The following ZFP64 variants were observed in gnomAD, a reference collection of about 807,000 sequenced individuals.
ZFP64 encodes zinc finger protein 64.
ZFP64 carries 14 observed loss-of-function variants against 51.6 expected under a neutral mutation model. The ratio of observed to expected loss-of-function variants is 0.27; its 90% CI spans 0.18 to 0.42. The LOEUF is 0.42. Ranked by LOEUF, ZFP64 falls within the 10% of genes least tolerant of loss-of-function variation. The pLI is 1.00. For missense variants in ZFP64, 754 were observed against 906.8 expected (o/e 0.83, Z 2.16); for synonymous variants, 375 against 361.4 (o/e 1.04, Z -0.43).
At chr20:52,124,995 T>C (rs1333453419) in intron 5 of ZFP64, among the ~76,000 whole-genome samples, 2 of 152,104 alleles carry the variant, frequency 1.3e-5, no homozygotes, top group South Asian at 2.1e-4. Flanking sequence ...ACGAAGGCAT[T>C]TGTGGTGTGC....
chr20:52,169,763 C>T (rs143488504), intron 2 of ZFP64, among the ~76,000 whole-genome samples: 1,543 of 152,278 alleles, frequency 0.01, 28 homozygotes, highest in African/African-American at 0.034. Context: ...TAAAATTTAA[C>T]GTAGTCCCAG....
In ZFP64 at chr20:52,160,987, C is replaced by T. The variant is rs532229246; in HGVS notation, c.512-613G>A. 2.6e-5 allele frequency among the ~76,000 whole-genome samples: 4 copies of T among 151,518 alleles called. No homozygotes were observed. The highest frequency in any genetic ancestry group is 6.6e-5 in the Admixed American group (1 of 15,130). On this transcript the variant is annotated intron_variant, in intron 4 of 5. Coordinates refer to ENST00000216923, the MANE Select transcript of ZFP64 (RefSeq NM_018197.3). The surrounding 1 kb of genome is among the most constrained non-coding windows in gnomAD (Gnocchi z 4.2). ...GAGGGCAGGTGAGTGAGTCGGTGAG[C>T]GCAGGTGAGTGAGCAGGTGAGGGCA... is the stretch of plus-strand genomic sequence containing the variant.
chr20:52,160,726 C>T lies in ZFP64; in HGVS notation c.512-352G>A, dbSNP rs1981720815. Among the ~76,000 whole-genome samples, 1 of 152,062 alleles carries T rather than the reference C, an allele frequency of 6.6e-6. No individual in the cohort carries two copies. The highest frequency in any genetic ancestry group is 2.1e-4 in the South Asian group (1 of 4,828). On this transcript the variant is annotated intron_variant, in intron 4 of 5. Coordinates refer to ENST00000216923, the MANE Select transcript of ZFP64 (RefSeq NM_018197.3). This position sits in a 1 kb window ranked among gnomAD's most constrained non-coding sequence, Gnocchi z 4.2. ...TTCACTCTCTCCTTTTTCCTTTTCACAACAGAGATGCACCGTAAAATTTAG... is the reference window on the plus strand; with the variant it reads ...TTCACTCTCTCCTTTTTCCTTTTCATAACAGAGATGCACCGTAAAATTTAG...
intron 5 of ZFP64, among the ~76,000 whole-genome samples, chr20:52,102,546 C>T (rs1043659126): frequency 2.0e-5 from 3 of 152,198 alleles, no homozygotes; most frequent in African/African-American, 7.2e-5. Flanking sequence ...CAGACACAAA[C>T]AAAGCCTCAT....
chr20:52,152,410 G>A lies in ZFP64; in HGVS notation c.1782C>T (p.Pro594=). The part of the protein sequence containing the change: ...QTLIPTASGG[P]QEGSGNQTFI... Reference sequence around the variant, plus strand: ...AAGTTTGATTGCCAGAGCCTTCCTGGGGGCCACCTGAGGCCGTGGGGATGA... The same window carrying A: ...AAGTTTGATTGCCAGAGCCTTCCTGAGGGCCACCTGAGGCCGTGGGGATGA... The change falls in exon 6 of 6, where the codon CCC becomes CCT. Residue 594 remains proline, a synonymous_variant. Coordinates refer to ENST00000216923, the MANE Select transcript of ZFP64 (RefSeq NM_018197.3). 1 of 1,614,190 alleles carries A rather than the reference G, an allele frequency of 6.2e-7. No homozygotes were observed. Among genetic ancestry groups the A allele is most frequent in the Non-Finnish European group, 8.5e-7 (1 of 1,180,030 alleles).
At chr20:52,179,648 G>T (rs12481281) in intron 2 of ZFP64, among the ~76,000 whole-genome samples, 2 of 152,092 alleles carry the variant, frequency 1.3e-5, no homozygotes, top group African/African-American at 4.8e-5. Flanking sequence ...TCAATCAGGC[G>T]GGCAGGGCCT....
chr20:52,125,733 T>C (rs1260722612), intron 5 of ZFP64, among the ~76,000 whole-genome samples: 1 of 152,022 alleles, frequency 6.6e-6, no homozygotes, highest in Non-Finnish European at 1.5e-5. Context: ...CAGGGAGAGG[T>C]TGGACCTGAG....
chr20:52,175,613 G>A (rs749052505), intron 2 of ZFP64, among the ~76,000 whole-genome samples: 12 of 152,214 alleles, frequency 7.9e-5, no homozygotes, highest in Non-Finnish European at 1.6e-4. Flanking sequence ...GGGAGCCCGA[G>A]GCGGTCGGAT....
intron 2 of ZFP64, among the ~76,000 whole-genome samples, chr20:52,167,019 G>A (rs1982332504): frequency 6.6e-6 from 1 of 151,912 alleles, no homozygotes; most frequent in Admixed American, 6.6e-5. Flanking sequence ...GCAAAACACA[G>A]ACTAAATATA....
intron 3 of ZFP64, chr20:52,165,609 T>G (rs1164005755): frequency 1.5e-6 from 1 of 656,830 alleles, no homozygotes; most frequent in Admixed American, 2.1e-5. Flanking sequence ...AAAAAATTTA[T>G]AGCAACCTGA....
At chr20:52,101,940 C>CAAAAAA (rs1190342919) in intron 5 of ZFP64, among the ~76,000 whole-genome samples, 1 of 77,688 alleles carries the variant, frequency 1.3e-5, no homozygotes, top group Non-Finnish European at 2.6e-5. Context: ...CTAAAAATAC[C>CAAAAAA]AAAAAAAAAA....
chr20:52,141,618 G>C (rs941918159), intron 5 of ZFP64, among the ~76,000 whole-genome samples: 1 of 152,202 alleles, frequency 6.6e-6, no homozygotes, highest in East Asian at 1.9e-4. Flanking sequence ...GCAATCTTAT[G>C]AGAGAACTTG....
chr20:52,113,451 C>A, intron 5 of ZFP64, among the ~76,000 whole-genome samples: 1 of 131,174 alleles, frequency 7.6e-6, no homozygotes. Context: ...TTTTTGAGAC[C>A]AAGTCTCGCT....
At chr20:52,121,127 C>G (rs1446916899) in intron 5 of ZFP64, among the ~76,000 whole-genome samples, 1 of 152,162 alleles carries the variant, frequency 6.6e-6, no homozygotes, top group Non-Finnish European at 1.5e-5. Flanking sequence ...TTTCTTCGAG[C>G]CTTTCTATTC....
intron 2 of ZFP64, among the ~76,000 whole-genome samples, chr20:52,176,302 T>G (rs1182479300): frequency 6.6e-6 from 1 of 151,886 alleles, no homozygotes; most frequent in Non-Finnish European, 1.5e-5. Context: ...GTGTGGACTT[T>G]CCTTCTGAAC....
At chr20:52,188,490 A>G (rs1185217243) in intron 1 of ZFP64, among the ~76,000 whole-genome samples, 5 of 149,946 alleles carry the variant, frequency 3.3e-5, no homozygotes, top group Admixed American at 3.3e-4. Context: ...AATTTTTTGT[A>G]TTTTTAGTAG....
At chr20:52,142,083 T>A (rs1426302426) in intron 5 of ZFP64, among the ~76,000 whole-genome samples, 1 of 152,078 alleles carries the variant, frequency 6.6e-6, no homozygotes, top group African/African-American at 2.4e-5. Flanking sequence ...AATTGCTTAA[T>A]GGGCCTGGCG....
intron 1 of ZFP64, among the ~76,000 whole-genome samples, chr20:52,190,291 C>A (rs1157870862): frequency 6.6e-6 from 1 of 152,108 alleles, no homozygotes; most frequent in Non-Finnish European, 1.5e-5. Context: ...AGGACTGACA[C>A]CCAGAATGAA....
chr20:52,084,731 G>A, exon 9 of ZFP64: 3 of 1,614,250 alleles, frequency 1.9e-6, no homozygotes, highest in Non-Finnish European at 2.5e-6. Context: ...CCCTGACGAA[G>A]GAGGCGCCGC....
Sources: gnomAD v4.1 joint callset for allele counts (sites outside exome capture counted in the v4.1 genomes callset) on GRCh38, gnomAD v4.1.1 for gene constraint, Gnocchi (gnomAD v3.1) non-coding constraint, MANE v1.5 for transcripts, NCBI Gene and HGNC (gene_info 2026-07-23, HGNC 2026-07-21) for gene names.